The following PLD1 variants were observed in gnomAD, a reference collection of about 807,000 sequenced individuals.
The protein encoded by PLD1 is phospholipase D1.
A neutral mutation model predicts 137.1 loss-of-function variants in PLD1; 112 were observed. The ratio of observed to expected loss-of-function variants is 0.82; its 90% CI spans 0.70 to 0.96. The LOEUF (loss-of-function observed/expected upper bound fraction) is 0.96. Ranked by LOEUF, PLD1 falls within the 40% of genes least tolerant of loss-of-function variation. The pLI is 0.00. For synonymous variants in PLD1, 431 were observed against 454.7 expected (o/e 0.95, Z 0.66); for missense variants, 1,321 against 1,342.0 (o/e 0.98, Z 0.24).
intron 8 of PLD1, among the ~76,000 whole-genome samples, chr3:171,722,488 T>C (rs6809419): frequency 0.36 from 54,786 of 151,868 alleles, 10,985 homozygotes; most frequent in African/African-American, 0.52. Context: ...GCAACCTCCT[T>C]CCCATTCCCT....
chr3:171,746,459 G>C (rs988775075), intron 1 of PLD1, among the ~76,000 whole-genome samples: 1 of 152,152 alleles, frequency 6.6e-6, no homozygotes, highest in African/African-American at 2.4e-5. Context: ...TCTGTGTCCA[G>C]CTAATCTGGT....
intron 21 of PLD1, among the ~76,000 whole-genome samples, chr3:171,654,462 A>G (rs1489569521): frequency 2.0e-5 from 3 of 152,188 alleles, no homozygotes; most frequent in African/African-American, 7.2e-5. Flanking sequence ...GTTTGTTGCT[A>G]ACACTATAAA....
intron 16 of PLD1, among the ~76,000 whole-genome samples, chr3:171,686,133 A>AAC (rs1714534539): frequency 6.6e-6 from 1 of 152,054 alleles, no homozygotes; most frequent in African/African-American, 2.4e-5. Context: ...CAAAAAAAAA[A>AAC]AAAAAAAAAG....
chr3:171,781,970 C>A (rs1392015455), intron 1 of PLD1, among the ~76,000 whole-genome samples: 1 of 152,136 alleles, frequency 6.6e-6, no homozygotes, highest in Non-Finnish European at 1.5e-5. Context: ...AGGCATCCAC[C>A]CGTAGAAAAA....
intron 16 of PLD1, among the ~76,000 whole-genome samples, chr3:171,680,670 T>G (rs1283821779): frequency 6.6e-6 from 1 of 152,230 alleles, no homozygotes; most frequent in African/African-American, 2.4e-5. Flanking sequence ...TTTAAAATTA[T>G]GTCTAACACT....
intron 12 of PLD1, among the ~76,000 whole-genome samples, chr3:171,692,880 C>T (rs1008156146): frequency 5.9e-5 from 9 of 152,048 alleles, no homozygotes; most frequent in African/African-American, 1.5e-4. Context: ...ATGAAAAAGG[C>T]AATACAAGGA....
At chr3:171,718,896 A>G (rs929290026) in intron 8 of PLD1, among the ~76,000 whole-genome samples, 2 of 152,198 alleles carry the variant, frequency 1.3e-5, no homozygotes, top group African/African-American at 4.8e-5. Context: ...CATGCGAACT[A>G]TTATAACTAA....
intron 1 of PLD1, among the ~76,000 whole-genome samples, chr3:171,776,281 C>T (rs1373163010): frequency 5.3e-5 from 8 of 152,110 alleles, no homozygotes; most frequent in Non-Finnish European, 1.0e-4. Context: ...GATGAAGAGC[C>T]CCTCCCTCAT....
At position 171,772,880 on chromosome 3, in the gene PLD1, T is replaced by C. The variant is rs374911450; in HGVS notation, c.-31-34798A>G. Among the ~76,000 whole-genome samples the C allele has an allele frequency of 4.7e-4, 72 of 152,334 alleles. No homozygotes were observed. In the East Asian group the frequency reaches 0.013, roughly 28 times the overall value. On this transcript the variant is annotated intron_variant, in intron 1 of 26. Transcript: ENST00000351298. ...TTCAAAACCATCTATTTTACATGGA[T>C]CTGGTTTGCAAACATATATGATGAT...
intron 23 of PLD1, among the ~76,000 whole-genome samples, chr3:171,639,570 TATA>T (rs1347560486): frequency 8.2e-4 from 75 of 90,922 alleles, no homozygotes; most frequent in African/African-American, 3.3e-3. Context: ...ATATATTATA[TATA>T]ATATATATTC....
intron 19 of PLD1, among the ~76,000 whole-genome samples, chr3:171,664,459 A>ATTTT (rs201782822): frequency 7.0e-6 from 1 of 142,440 alleles, no homozygotes; most frequent in East Asian, 2.0e-4. Context: ...AACCTCCAGG[A>ATTTT]TTTTTTTTTT....
intron 1 of PLD1, among the ~76,000 whole-genome samples, chr3:171,784,568 A>G (rs533093281): frequency 1.2e-3 from 182 of 152,276 alleles, no homozygotes; most frequent in African/African-American, 4.3e-3. Context: ...CAGGCAAATG[A>G]ATTAGCCCCA....
Position 171,612,708 on chromosome 3 carries a change from T to C in PLD1, c.2729-276A>G, listed in dbSNP as rs776845763. ...CCAATGTGACATGAAGGAAAGCTTC[T>C]GAGAAAGAGTTTCCCCTTTGTATAA... is the stretch of plus-strand genomic sequence containing the variant. On this transcript the variant is annotated intron_variant, in intron 24 of 26. Coordinates refer to ENST00000351298, the MANE Select transcript of PLD1 (RefSeq NM_002662.5). The surrounding 1 kb of genome is among the most constrained non-coding windows in gnomAD (Gnocchi z 4.1). Among the ~76,000 whole-genome samples, 3 of 152,212 alleles carry C rather than the reference T, an allele frequency of 2.0e-5. No individual in the cohort carries two copies. Among genetic ancestry groups the C allele is most frequent in the Non-Finnish European group, 2.9e-5 (2 of 68,038 alleles).
At chr3:171,644,514 G>A (rs1191824725) in intron 22 of PLD1, among the ~76,000 whole-genome samples, 1 of 152,162 alleles carries the variant, frequency 6.6e-6, no homozygotes, top group Non-Finnish European at 1.5e-5. Context: ...GCTACCTAAA[G>A]AATCATAACC....
chr3:171,787,852 A>G (rs1433084925), intron 1 of PLD1, among the ~76,000 whole-genome samples: 1 of 152,034 alleles, frequency 6.6e-6, no homozygotes, highest in Non-Finnish European at 1.5e-5. Flanking sequence ...TTTTTAAGAA[A>G]AAAAAAACTA....
intron 4 of PLD1, among the ~76,000 whole-genome samples, chr3:171,735,282 G>A (rs142011501): frequency 2.0e-5 from 3 of 152,122 alleles, no homozygotes. Flanking sequence ...CTATCACCAC[G>A]TGCCACCACG....
intron 19 of PLD1, among the ~76,000 whole-genome samples, chr3:171,666,604 T>G (rs757210540): frequency 6.6e-6 from 1 of 152,266 alleles, no homozygotes; most frequent in Non-Finnish European, 1.5e-5. Context: ...GATTTCCTTT[T>G]GTTTTAATAT....
intron 25 of PLD1, among the ~76,000 whole-genome samples, chr3:171,607,204 A>G (rs1016086871): frequency 1.3e-5 from 2 of 152,184 alleles, no homozygotes; most frequent in African/African-American, 4.8e-5. Context: ...TTTTTTAAAA[A>G]AAGATTTAAG....
rs1049122431 is a variant in PLD1 at position 171,733,404 on chromosome 3, T to C, written c.606+40A>G. On this transcript the variant is annotated intron_variant, in intron 6 of 26. Coordinates refer to ENST00000351298, the MANE Select transcript of PLD1 (RefSeq NM_002662.5). Reference sequence around the variant, plus strand: ...AAATTTAGCTGACAATTTACTATAGTGAAAATTACTCCAAACTTAAATCAC... The same window carrying C: ...AAATTTAGCTGACAATTTACTATAGCGAAAATTACTCCAAACTTAAATCAC... 8.7e-6 allele frequency: 7 copies of C among 802,900 alleles called. No individual in the cohort carries two copies. The African/African-American group carries it at 1.0e-4, about 12-fold the overall frequency. 49.7% of individuals were successfully genotyped at this position (802,900 alleles called of 1,614,324 possible).
Sources: gnomAD v4.1 joint callset for allele counts (sites outside exome capture counted in the v4.1 genomes callset) on GRCh38, gnomAD v4.1.1 for gene constraint, Gnocchi (gnomAD v3.1) non-coding constraint, MANE v1.5 for transcripts, NCBI Gene and HGNC (gene_info 2026-07-23, HGNC 2026-07-21) for gene names.